The following ADGRB3 variants were observed in gnomAD, a reference collection of about 807,000 sequenced individuals.
ADGRB3 encodes the protein adhesion G protein-coupled receptor B3, also known as brain-specific angiogenesis inhibitor 3.
ADGRB3 carries 37 observed loss-of-function variants against 193.4 expected under a neutral mutation model. The ratio of observed to expected loss-of-function variants is 0.19; its 90% CI spans 0.15 to 0.25. The LOEUF (loss-of-function observed/expected upper bound fraction) is 0.25, where lower values mean the gene tolerates loss of function less well. ADGRB3 is among the 10% of genes least tolerant of loss of function. ADGRB3 has a pLI of 1.00. For synonymous variants in ADGRB3, 690 were observed against 644.2 expected (o/e 1.07, Z -1.08); for missense variants, 1,637 against 1,852.9 (o/e 0.88, Z 2.14).
intron 3 of ADGRB3, among the ~76,000 whole-genome samples, chr6:68,705,514 A>AG (rs1765311997): frequency 6.6e-6 from 1 of 152,198 alleles, no homozygotes; most frequent in Non-Finnish European, 1.5e-5. Context: ...ATGGAATCAA[A>AG]CAATCTAGGC....
intron 17 of ADGRB3, among the ~76,000 whole-genome samples, chr6:69,127,279 T>C (rs1773878826): frequency 6.6e-6 from 1 of 152,194 alleles, no homozygotes; most frequent in South Asian, 2.1e-4. Context: ...ACCAAAACAC[T>C]TTGTATTTAT....
At chr6:69,164,012 A>G (rs1429517708) in intron 17 of ADGRB3, among the ~76,000 whole-genome samples, 1 of 152,110 alleles carries the variant, frequency 6.6e-6, no homozygotes, top group East Asian at 1.9e-4. Context: ...CCTCTTAATT[A>G]GCATTTGCAA....
At chr6:68,844,974 G>C (rs1768244329) in intron 3 of ADGRB3, among the ~76,000 whole-genome samples, 1 of 152,134 alleles carries the variant, frequency 6.6e-6, no homozygotes, top group Non-Finnish European at 1.5e-5. Context: ...GTCTGGGAAG[G>C]GTAGTGGGAG....
At chr6:69,160,311 C>T (rs756104176) in intron 17 of ADGRB3, among the ~76,000 whole-genome samples, 8 of 152,084 alleles carry the variant, frequency 5.3e-5, no homozygotes, top group Non-Finnish European at 1.0e-4. Context: ...TCCTGCCTTT[C>T]ATCTCTGCCC....
At chr6:68,777,905 C>A (rs2127359802) in intron 3 of ADGRB3, among the ~76,000 whole-genome samples, 1 of 151,944 alleles carries the variant, frequency 6.6e-6, no homozygotes, top group African/African-American at 2.4e-5. Context: ...CTGGAAAATG[C>A]AATCTTGCTA....
At chr6:68,809,894 T>A (rs1245019293) in intron 3 of ADGRB3, among the ~76,000 whole-genome samples, 1 of 152,208 alleles carries the variant, frequency 6.6e-6, no homozygotes. Flanking sequence ...ACTGAAAATT[T>A]AATGTCAGAA....
rs567600162 is a variant in ADGRB3 at position 68,722,844 on chromosome 6, G to A, written c.757+83412G>A. Among the ~76,000 whole-genome samples the A allele has an allele frequency of 5.3e-5, 8 of 151,164 alleles. No individual in the cohort carries two copies. The South Asian group carries it at 1.5e-3, about 28-fold the overall frequency. Reference sequence around the variant, plus strand: ...TTGTCTATATTTAATTATTATATAGGGTAATGTTCATTTTAAAATCAGATG... The same window carrying A: ...TTGTCTATATTTAATTATTATATAGAGTAATGTTCATTTTAAAATCAGATG... On this transcript the variant is annotated intron_variant, in intron 3 of 31. Transcript: ENST00000370598.
intron 17 of ADGRB3, among the ~76,000 whole-genome samples, chr6:69,230,384 T>A (rs138741431): frequency 6.6e-6 from 1 of 152,316 alleles, no homozygotes; most frequent in Non-Finnish European, 1.5e-5. Flanking sequence ...CTGGAATACT[T>A]CACATGTTCA....
chr6:68,926,445 A>G (rs958996879), intron 3 of ADGRB3, among the ~76,000 whole-genome samples: 1 of 152,114 alleles, frequency 6.6e-6, no homozygotes, highest in African/African-American at 2.4e-5. Context: ...CTAGAAAAGC[A>G]GGTGTTTTAA....
rs1461623038 is a variant in ADGRB3 at position 68,956,178 on chromosome 6, T to C, written c.1350T>C (p.Pro450=). The change falls in exon 7 of 32, where the codon CCT becomes CCC. Residue 450 remains proline, a synonymous_variant. Coordinates refer to ENST00000370598, the MANE Select transcript of ADGRB3 (RefSeq NM_001704.3). ...CAGAAAGCAGAGAGTGCTATAACCC[T>C]GAATGTACAGGTAGGGCTTGATTCC... ...PWAESRECYN[P]ECTANGQWNQ... 2 of 1,610,384 alleles carry C rather than the reference T, an allele frequency of 1.2e-6. No homozygotes were observed. The highest frequency in any genetic ancestry group is 2.7e-5 in the African/African-American group (2 of 74,778).
intron 27 of ADGRB3, among the ~76,000 whole-genome samples, chr6:69,355,192 C>T (rs373720989): frequency 1.3e-5 from 2 of 152,246 alleles, no homozygotes; most frequent in South Asian, 2.1e-4. Context: ...CATTTCAAAA[C>T]ATTAATTGAT....
chr6:68,815,605 G>T (rs1208573771), intron 3 of ADGRB3, among the ~76,000 whole-genome samples: 1 of 37,076 alleles, frequency 2.7e-5, no homozygotes, highest in Non-Finnish European at 5.0e-5. Flanking sequence ...ATCAAAAATT[G>T]TGTGTGTGTG....
intron 8 of ADGRB3, among the ~76,000 whole-genome samples, chr6:68,973,328 C>G (rs1768642565): frequency 6.6e-6 from 1 of 152,186 alleles, no homozygotes; most frequent in Admixed American, 6.5e-5. Flanking sequence ...TTCAGTGACA[C>G]TGTCAGCTTT....
chr6:69,093,663 G>C (rs758605950), intron 17 of ADGRB3, among the ~76,000 whole-genome samples: 2 of 151,568 alleles, frequency 1.3e-5, no homozygotes, highest in Non-Finnish European at 2.9e-5. Flanking sequence ...GGGGTGGGCA[G>C]CCTGGGTTCG....
chr6:69,333,971 TAAAATAAAATAAAATAAAA>T (rs1561990666), intron 24 of ADGRB3, among the ~76,000 whole-genome samples: 2 of 72,716 alleles, frequency 2.8e-5, no homozygotes, highest in East Asian at 5.1e-4. Flanking sequence ...TAAAATAAAA[TAAAATAAAATAAAATAAAA>T]TAAAATAAAA....
At chr6:68,686,511 A>C (rs954739831) in intron 3 of ADGRB3, among the ~76,000 whole-genome samples, 7 of 152,098 alleles carry the variant, frequency 4.6e-5, no homozygotes, top group African/African-American at 1.7e-4. Flanking sequence ...AAGCTTCAGG[A>C]TCCTGATCCT....
chr6:68,818,264 A>G lies in ADGRB3; in HGVS notation c.758-112295A>G, dbSNP rs145964304. ...AGCCATAGACTTGAGAGTTAGATAC[A>G]GTTTATTTGCTTGCACTTTTAACGT... On this transcript the variant is annotated intron_variant, in intron 3 of 31. Transcript: ENST00000370598. Among the ~76,000 whole-genome samples the G allele has an allele frequency of 3.3e-5, 5 of 152,166 alleles. No individual in the cohort carries two copies. The East Asian group carries it at 9.7e-4, about 29-fold the overall frequency.
At chr6:68,820,158 C>T (rs947242621) in intron 3 of ADGRB3, among the ~76,000 whole-genome samples, 1 of 151,894 alleles carries the variant, frequency 6.6e-6, no homozygotes, top group Non-Finnish European at 1.5e-5. Flanking sequence ...GTATTTAGAC[C>T]AATTAACTTG....
chr6:68,690,843 T>C (rs555524989), intron 3 of ADGRB3, among the ~76,000 whole-genome samples: 18 of 152,248 alleles, frequency 1.2e-4, no homozygotes, highest in African/African-American at 4.1e-4. Flanking sequence ...TGCTTTATTA[T>C]TTTATGTTTA....
Sources: allele counts gnomAD v4.1 joint callset (sites outside exome capture counted in the v4.1 genomes callset), GRCh38; gene constraint gnomAD v4.1.1; transcripts MANE v1.5; gene names NCBI Gene and HGNC (gene_info 2026-07-23, HGNC 2026-07-21).